Variants in LSM14B observed in about 807,000 individuals in gnomAD.
LSM14B encodes the protein protein LSM14 homolog B.
A neutral mutation model predicts 42.1 loss-of-function variants in LSM14B; 8 were observed. The observed-to-expected ratio is 0.19, with a 90% CI of 0.11 to 0.34. LSM14B has a LOEUF of 0.34. Among genes scored for constraint, LSM14B ranks in the 10% least tolerant of loss-of-function variants. LSM14B has a pLI of 1.00. For synonymous variants in LSM14B, 219 were observed against 209.7 expected, an observed-to-expected ratio of 1.04 and a Z score of -0.38; for missense variants, 396 against 513.1, an observed-to-expected ratio of 0.77 and a Z score of 2.21.
chr20:62,133,143 T>C, intron 7 of LSM14B, 147 bp from the exon 8 acceptor site: 9 of 922,668 alleles, frequency 9.8e-6, no homozygotes, highest in Non-Finnish European at 1.4e-5. Context: ...GTGCCGGAGC[T>C]GGGCTCCAGA....
At chr20:62,124,261 C>G (rs1004688087) in intron 1 of LSM14B, among the ~76,000 whole-genome samples, 1 of 152,246 alleles carries the variant, frequency 6.6e-6, no homozygotes, top group African/African-American at 2.4e-5. Context: ...AGCCGGCTGG[C>G]TGTTGGATCT....
chr20:62,124,584 C>T (rs1485622538), intron 1 of LSM14B, 33 bp from the exon 2 acceptor site: 2 of 1,603,444 alleles, frequency 1.2e-6, no homozygotes, highest in African/African-American at 2.7e-5. Flanking sequence ...TGGCTGAGGA[C>T]AACAATAACG....
chr20:62,125,462 C>A (rs987351948), intron 2 of LSM14B, among the ~76,000 whole-genome samples: 17 of 152,220 alleles, frequency 1.1e-4, no homozygotes, highest in African/African-American at 4.1e-4. Context: ...GTGGCGTGAC[C>A]TACCTGCAGG....
At position 62,122,745 on chromosome 20, in the gene LSM14B, A is replaced by G. The variant is rs1223728138; in HGVS notation, c.79A>G (p.Ile27Val). ...ISKAQIRYEG[I>V]LYTIDTDNST... ...CAAGGCGCAGATCCGCTACGAGGGC[A>G]TTCTCTACACCATCGACACCGACAA... The change falls in exon 1 of 9, where the codon ATT becomes GTT. Residue 27 changes from isoleucine to valine, a missense_variant. Transcript: ENST00000279068. This position sits in a 1 kb window ranked among gnomAD's most constrained non-coding sequence, Gnocchi z 4.6. 6.6e-7 allele frequency: 1 copy of G among 1,522,188 alleles called. No homozygotes were observed. The highest frequency in any genetic ancestry group is 8.8e-7 in the Non-Finnish European group (1 of 1,130,208). The allele number at this position is 1,522,188 out of a possible 1,614,324, so 94.3% of individuals were successfully genotyped here.
chr20:62,126,141 C>T lies in LSM14B; in HGVS notation c.292-163C>T, dbSNP rs73915589. ...AACTGAAATGCTGTGGAAAAGGCAG[C>T]TCTCACCATACTGGAAACTTGCACC... On this transcript the variant is annotated intron_variant, in intron 2 of 8. Coordinates refer to ENST00000279068, the MANE Select transcript of LSM14B (RefSeq NM_144703.3). 2,981 of 877,864 alleles carry T rather than the reference C, an allele frequency of 3.4e-3. 70 individuals carry two copies. The African/African-American group carries it at 0.044, about 13-fold the overall frequency. 54.4% of individuals were successfully genotyped at this position (877,864 alleles called of 1,614,324 possible). A position where few individuals can be genotyped will look rare whatever the true frequency, so the allele number is the denominator to read the frequency against.
intron 7 of LSM14B, among the ~76,000 whole-genome samples, chr20:62,132,400 G>A (rs1600948225): frequency 1.3e-5 from 2 of 152,212 alleles, no homozygotes; most frequent in Admixed American, 1.3e-4. Flanking sequence ...AGCGTGGTGC[G>A]GTCTGATGTT....
chr20:62,125,107 T>G (rs1454363461), intron 2 of LSM14B, among the ~76,000 whole-genome samples: 1 of 152,146 alleles, frequency 6.6e-6, no homozygotes, highest in Non-Finnish European at 1.5e-5. Context: ...TCTCAATCTC[T>G]TGACCTTGTG....
At chr20:62,125,630 T>C (rs2056573110) in intron 2 of LSM14B, among the ~76,000 whole-genome samples, 2 of 152,264 alleles carry the variant, frequency 1.3e-5, no homozygotes, top group Admixed American at 1.3e-4. Context: ...TCTTCACTTC[T>C]AAATTTAAAT....
In LSM14B at chr20:62,131,415, G is replaced by A. The variant is rs1326679364; in HGVS notation, c.895G>A (p.Ala299Thr). 1 of 1,613,544 alleles carries A rather than the reference G, an allele frequency of 6.2e-7. No homozygotes were observed. The highest frequency in any genetic ancestry group is 2.2e-5 in the East Asian group (1 of 44,866). The change falls in exon 7 of 9, where the codon GCG becomes ACG. Residue 299 changes from alanine to threonine, a missense_variant. By Grantham distance (58) the Ala-to-Thr change is moderately conservative (BLOSUM62 0). This residue lies in a region of LSM14B where 118 missense variants were observed against 156.4 expected (regional missense o/e 0.75). Coordinates refer to ENST00000279068, the MANE Select transcript of LSM14B (RefSeq NM_144703.3). ...GGCTGTGGTGACCCAGAGTGCCGAA[G>A]CGCCCGCTGAGGAAGACCTTCTGGG... ...DLAVVTQSAE[A>T]PAEEDLLGPN...
Position 62,124,654 on chromosome 20 carries a change from G to A in LSM14B, c.165G>A (p.Arg55=). The stretch of plus-strand genomic sequence containing the variant: ...GCACTGAAGACCGTCCCACAGATAG[G>A]CCTGCGCCCCCCAGAGAGGAGATTT... ...SFGTEDRPTD[R]PAPPREEIYE... The change falls in exon 2 of 9, where the codon AGG becomes AGA. Residue 55 remains arginine (R), a synonymous_variant. Coordinates refer to ENST00000279068, the MANE Select transcript of LSM14B (RefSeq NM_144703.3). The A allele has an allele frequency of 6.2e-7, 1 of 1,613,914 alleles. No individual in the cohort carries two copies. Among genetic ancestry groups the A allele is most frequent in the South Asian group, 1.1e-5 (1 of 91,086 alleles).
chr20:62,127,049 T>C lies in LSM14B; in HGVS notation c.427+610T>C, dbSNP rs77992452. Among the ~76,000 whole-genome samples the C allele has an allele frequency of 9.9e-3, 1,509 of 152,348 alleles. 26 individuals are homozygous for C. The highest frequency in any genetic ancestry group is 0.034 in the African/African-American group (1,403 of 41,556). On this transcript the variant is annotated intron_variant, in intron 3 of 8. Coordinates refer to ENST00000279068, the MANE Select transcript of LSM14B (RefSeq NM_144703.3). Reference sequence around the variant, plus strand: ...ATATCTGCTTCAAAGAAGAAATAGCTGATATATATGTAGTATTACAGATGA... The same window carrying C: ...ATATCTGCTTCAAAGAAGAAATAGCCGATATATATGTAGTATTACAGATGA...
intron 2 of LSM14B, 28 bp from the exon 3 acceptor site, chr20:62,126,276 C>T (rs1057215404): frequency 4.3e-6 from 7 of 1,613,886 alleles, no homozygotes; most frequent in Admixed American, 1.7e-5. Context: ...TGGCCTTCGC[C>T]GTTCTCACCC....
intron 2 of LSM14B, among the ~76,000 whole-genome samples, 155 bp downstream of exon 2, chr20:62,124,935 CA>C (rs1568703014): frequency 1.3e-5 from 2 of 151,392 alleles, no homozygotes; most frequent in Admixed American, 6.6e-5. Flanking sequence ...GGCTGGAGGT[CA>C]GTGGCGTGAT....
Position 62,130,110 on chromosome 20 carries a change from G to A in LSM14B, c.596-109G>A. The A allele has an allele frequency of 6.8e-7, 1 of 1,476,182 alleles. No individual in the cohort carries two copies. The allele number at this position is 1,476,182 out of a possible 1,614,324, so 91.4% of individuals were successfully genotyped here. On this transcript the variant is annotated intron_variant, in intron 4 of 8. Transcript: ENST00000279068. This position sits in a 1 kb window ranked among gnomAD's most constrained non-coding sequence, Gnocchi z 4.1. ...CAGGCCTGTGCAGCAGCCTCCTGCG[G>A]TGCCGCCCTGGCCGCGTGCCCCATG...
Position 62,130,360 on chromosome 20 carries a change from T to C in LSM14B, c.673+64T>C, listed in dbSNP as rs1243777260. ...TGATCAGGCTGAGCTCTGCTTGCCC[T>C]CCTGCCTGCTTCTCTGGTTGACGGT... is the stretch of plus-strand genomic sequence containing the variant. On this transcript the variant is annotated intron_variant, in intron 5 of 8. Coordinates refer to ENST00000279068, the MANE Select transcript of LSM14B (RefSeq NM_144703.3). The surrounding 1 kb of genome is among the most constrained non-coding windows in gnomAD (Gnocchi z 4.1). 4.5e-6 allele frequency: 7 copies of C among 1,543,512 alleles called. 1 individual carries two copies. The highest frequency in any genetic ancestry group is 2.4e-5 in the South Asian group (2 of 84,164).
intron 3 of LSM14B, 125 bp downstream of exon 3, chr20:62,126,564 C>G: frequency 7.7e-7 from 1 of 1,291,998 alleles, no homozygotes; most frequent in Non-Finnish European, 1.1e-6. Flanking sequence ...TTTTGTTGCA[C>G]ACTTAGTAAA....
rs913580217 is a variant in LSM14B at position 62,130,359 on chromosome 20, C to T, written c.673+63C>T. ...GTGATCAGGCTGAGCTCTGCTTGCC[C>T]TCCTGCCTGCTTCTCTGGTTGACGG... On this transcript the variant is annotated intron_variant, in intron 5 of 8. Transcript: ENST00000279068. This position sits in a 1 kb window ranked among gnomAD's most constrained non-coding sequence, Gnocchi z 4.1. The T allele has an allele frequency of 1.3e-6, 2 of 1,543,320 alleles. No individual in the cohort carries two copies. The highest frequency in any genetic ancestry group is 2.7e-5 in the African/African-American group (2 of 73,020).
intron 8 of LSM14B, among the ~76,000 whole-genome samples, chr20:62,133,874 A>C (rs1422689846): frequency 1.3e-5 from 2 of 152,194 alleles, no homozygotes; most frequent in Non-Finnish European, 2.9e-5. Flanking sequence ...ATTTGTGGGC[A>C]CCTTAGGGTT....
intron 1 of LSM14B, among the ~76,000 whole-genome samples, chr20:62,124,201 G>A (rs943022910): frequency 6.6e-6 from 1 of 152,248 alleles, no homozygotes; most frequent in Non-Finnish European, 1.5e-5. Flanking sequence ...TCCTTTGTGA[G>A]AAAACTGCCT....
Sources: gnomAD v4.1 joint callset for allele counts (sites outside exome capture counted in the v4.1 genomes callset) on GRCh38, gnomAD v4.1.1 for gene constraint, gnomAD v4.1.1 regional missense constraint, Gnocchi (gnomAD v3.1) non-coding constraint, MANE v1.5 for transcripts, NCBI Gene and HGNC (gene_info 2026-07-23, HGNC 2026-07-21) for gene names.